Variants in BLTP1 observed in about 807,000 individuals in gnomAD.
The protein encoded by BLTP1 is fragile site-associated protein.
At chr4:122,315,350 A>G in the BLTP1 span, 1 of 1,359,246 alleles carries the variant, frequency 7.4e-7, no homozygotes, top group Non-Finnish European at 1.0e-6. Context: ...GTTTCTGACA[A>G]GTTTAGCAGT....
the BLTP1 span, chr4:122,270,396 G>C: frequency 1.1e-5 from 11 of 972,790 alleles, no homozygotes; most frequent in Non-Finnish European, 1.2e-6. Flanking sequence ...TTGGTAGCTG[G>C]TTTATAGAAA....
chr4:122,184,509 G>T, the BLTP1 span: 1 of 157,082 alleles, frequency 6.4e-6, no homozygotes, highest in Non-Finnish European at 1.4e-5. Context: ...CATGATGGCG[G>T]GTGTCTGTAA....
the BLTP1 span, among the ~76,000 whole-genome samples, chr4:122,212,898 CA>C: frequency 0.29 from 44,182 of 151,972 alleles, 7,502 homozygotes; most frequent in East Asian, 0.45. Flanking sequence ...TCTATTAAAG[CA>C]AATTGTAAAA....
the BLTP1 span, among the ~76,000 whole-genome samples, chr4:122,332,860 TATGA>T: frequency 1.8e-5 from 2 of 113,750 alleles, no homozygotes; most frequent in African/African-American, 6.8e-5. Flanking sequence ...AATTCCCACC[TATGA>T]GTGAGAATAT....
chr4:122,201,232 T>C, the BLTP1 span: 1 of 831,860 alleles, frequency 1.2e-6, no homozygotes, highest in Non-Finnish European at 1.8e-6. Flanking sequence ...ATGATTCATA[T>C]TTTCTTCAAC....
At chr4:122,187,753 A>G in the BLTP1 span, 2 of 988,044 alleles carry the variant, frequency 2.0e-6, no homozygotes, top group Non-Finnish European at 2.8e-6. Context: ...GACCAGTGGA[A>G]TAGTTTAAAT....
the BLTP1 span, chr4:122,261,331 T>A: frequency 1.0e-6 from 1 of 985,096 alleles, no homozygotes; most frequent in Non-Finnish European, 1.2e-6. Context: ...TTAAAGCTGT[T>A]CATTTTCAGA....
the BLTP1 span, among the ~76,000 whole-genome samples, chr4:122,297,469 G>A: frequency 6.6e-6 from 1 of 152,146 alleles, no homozygotes; most frequent in Non-Finnish European, 1.5e-5. Flanking sequence ...GCGTAAATTA[G>A]TTCAACCATT....
At chr4:122,196,774 C>T in the BLTP1 span, 4 of 1,570,216 alleles carry the variant, frequency 2.5e-6, no homozygotes, top group African/African-American at 5.4e-5. Context: ...AATTGATTTG[C>T]TGTTTACCAA....
At chr4:122,171,626 A>G in the BLTP1 span, among the ~76,000 whole-genome samples, 1 of 138,134 alleles carries the variant, frequency 7.2e-6, no homozygotes, top group South Asian at 2.3e-4. Flanking sequence ...TAAGTAATTT[A>G]TATGGGTTAC....
chr4:122,292,302 A>C, the BLTP1 span: 1 of 927,058 alleles, frequency 1.1e-6, no homozygotes, highest in Non-Finnish European at 1.3e-6. Flanking sequence ...ATGGATTATC[A>C]AATGAACAGA....
At chr4:122,204,553 C>T in the BLTP1 span, 2 of 984,894 alleles carry the variant, frequency 2.0e-6, no homozygotes, top group South Asian at 4.7e-5. Context: ...AGACTGCAGA[C>T]TGTTTGCCTT....
chr4:122,211,335 C>G, the BLTP1 span, among the ~76,000 whole-genome samples: 1 of 150,106 alleles, frequency 6.7e-6, no homozygotes, highest in Non-Finnish European at 1.5e-5. Context: ...GTGCTAGTTG[C>G]TATAGATAGA....
the BLTP1 span, chr4:122,352,948 G>T: frequency 1.2e-6 from 2 of 1,613,946 alleles, no homozygotes; most frequent in Non-Finnish European, 8.5e-7. Flanking sequence ...AGTATTGAAG[G>T]TGGTATCAGG....
the BLTP1 span, among the ~76,000 whole-genome samples, chr4:122,327,607 A>C: frequency 0.05 from 7,557 of 151,662 alleles, 268 homozygotes; most frequent in Non-Finnish European, 0.074. Context: ...GCTCATTTTT[A>C]AAAGATCCAC....
At chr4:122,207,489 A>G in the BLTP1 span, 1 of 1,520,992 alleles carries the variant, frequency 6.6e-7, no homozygotes, top group Non-Finnish European at 8.8e-7. Flanking sequence ...TTTAATGGAC[A>G]TTAAAAGTAA....
At chr4:122,341,695 T>A in the BLTP1 span, 3 of 984,842 alleles carry the variant, frequency 3.0e-6, no homozygotes, top group Non-Finnish European at 3.6e-6. Flanking sequence ...CAATATCCAT[T>A]CTTTCAAAGG....
chr4:122,299,760 G>A, the BLTP1 span: 1 of 977,022 alleles, frequency 1.0e-6, no homozygotes, highest in Non-Finnish European at 1.2e-6. Context: ...ATGTATGTAT[G>A]TATATGGCTG....
At chr4:122,244,916 G>T in the BLTP1 span, 1 of 1,347,610 alleles carries the variant, frequency 7.4e-7, no homozygotes, top group Non-Finnish European at 1.0e-6. Flanking sequence ...TTGAGCAATT[G>T]TTGTACATAT....
Sources: gnomAD v4.1 joint callset for allele counts (sites outside exome capture counted in the v4.1 genomes callset) on GRCh38, gnomAD v4.1.1 for gene constraint, MANE v1.5 for transcripts, NCBI Gene and HGNC (gene_info 2026-07-23, HGNC 2026-07-21) for gene names.